ICAM3: variants seen among roughly 807,000 people sequenced by gnomAD.
ICAM3 encodes intercellular adhesion molecule 3.
Under a neutral mutation model 43.6 loss-of-function variants are expected in ICAM3, and 54 were observed. That is an observed-to-expected ratio of 1.24 (90% confidence interval 0.99 to 1.55). The LOEUF (loss-of-function observed/expected upper bound fraction) is 1.55. Among genes scored for constraint, ICAM3 ranks in the 40% most tolerant of loss-of-function variants. The pLI, the probability that ICAM3 is intolerant of heterozygous loss-of-function variation, is 0.00. For missense variants in ICAM3, 715 were observed against 717.9 expected, an observed-to-expected ratio of 1.00 and a Z score of 0.05; for synonymous variants, 306 against 312.6, an observed-to-expected ratio of 0.98 and a Z score of 0.22.
In ICAM3 at chr19:10,334,699, G is replaced by A. The variant is rs200047831; in HGVS notation, c.1021C>T (p.Arg341Ter). Residue 341 changes from arginine (R) to a stop codon, truncating the protein, a stop_gained, in exon 5 of 7, where the codon CGA (arginine) becomes TGA (stop). Transcript: ENST00000160262. LOFTEE classifies it high-confidence loss of function. The surrounding 1 kb of genome is among the most constrained non-coding windows in gnomAD (Gnocchi z 5.5). Reference protein sequence around the residue: ...TVTVSCMAGARVQVTLDGVPA... With the variant: ...TVTVSCMAGA ...ACTCCGTCCAGCGTGACCTGGACTC[G>A]AGCCCCAGCCATGCAACTCACGGTC... 3 of 1,613,272 alleles carry A rather than the reference G, an allele frequency of 1.9e-6. No homozygotes were observed. The highest frequency in any genetic ancestry group is 4.5e-5 in the East Asian group (2 of 44,880).
At position 10,335,185 on chromosome 19, in the gene ICAM3, GTGT is replaced by G; in HGVS notation, c.815_817del (p.Asp272_Thr273delinsAla). The G allele has an allele frequency of 6.2e-7, 1 of 1,613,808 alleles. No homozygotes were observed. The highest frequency in any genetic ancestry group is 8.5e-7 in the Non-Finnish European group (1 of 1,180,028). ...CGTGGCTGTGGCTGTGGCCGTTAGC[GTGT>G]CCCCGTGGTTCATGACTGTCGCATT... On this transcript the variant is annotated inframe_deletion, in exon 4 of 7. Transcript: ENST00000160262.
chr19:10,333,825 G>C lies in ICAM3; in HGVS notation c.*32C>G. 6.2e-7 allele frequency: 1 copy of C among 1,605,112 alleles called. No individual in the cohort carries two copies. The highest frequency in any genetic ancestry group is 1.1e-5 in the South Asian group (1 of 90,892). The stretch of plus-strand genomic sequence containing the variant: ...GTGCGGAATCTGAGGGCACAGCCAA[G>C]CCCCCGCCAACTTTGATCCCGGATC... On this transcript the variant is annotated 3_prime_UTR_variant, in exon 7 of 7. Transcript: ENST00000160262. This position sits in a 1 kb window ranked among gnomAD's most constrained non-coding sequence, Gnocchi z 4.2.
chr19:10,335,472 A>T, intron 3 of ICAM3, 119 bp from the exon 4 acceptor site: 1 of 1,137,888 alleles, frequency 8.8e-7, no homozygotes, highest in Non-Finnish European at 1.2e-6. Flanking sequence ...GGACACACAC[A>T]CAGGGCCATG....
intron 2 of ICAM3, 32 bp downstream of exon 2, chr19:10,338,650 G>C: frequency 6.2e-7 from 1 of 1,609,222 alleles, no homozygotes; most frequent in Non-Finnish European, 8.5e-7. Context: ...CACTACCCAA[G>C]ACCAGTCCCA....
rs1302977837 is a variant in ICAM3, at chr19:10,335,939, A to G, written c.381T>C (p.Pro127=). 2 of 1,580,182 alleles carry G rather than the reference A, an allele frequency of 1.3e-6. No individual in the cohort carries two copies. The highest frequency in any genetic ancestry group is 1.7e-6 in the Non-Finnish European group (2 of 1,168,760). Residue 127 remains proline, a synonymous_variant, in exon 3 of 7, where the codon CCT becomes CCC. Coordinates refer to ENST00000160262, the MANE Select transcript of ICAM3 (RefSeq NM_002162.5). ...PERVELAPLP[P]WQPVGQNFTL... Reference sequence around the variant, plus strand: ...TGAAGTTCTGGCCCACCGGCTGCCAAGGAGGCAGGGGTGCCAGCTCCACAC... The same window carrying G: ...TGAAGTTCTGGCCCACCGGCTGCCAGGGAGGCAGGGGTGCCAGCTCCACAC...
Position 10,333,840 on chromosome 19 carries a change from G to C in ICAM3, c.*17C>G. The C allele has an allele frequency of 6.2e-7, 1 of 1,611,276 alleles. No homozygotes were observed. The highest frequency in any genetic ancestry group is 8.5e-7 in the Non-Finnish European group (1 of 1,177,624). On this transcript the variant is annotated 3_prime_UTR_variant, in exon 7 of 7. Transcript: ENST00000160262. The surrounding 1 kb of genome is among the most constrained non-coding windows in gnomAD (Gnocchi z 4.2). ...GCACAGCCAAGCCCCCGCCAACTTT[G>C]ATCCCGGATCCCAGCGTCACTCAGC... is the stretch of plus-strand genomic sequence containing the variant.
At chr19:10,338,134 T>C (rs1265218629) in intron 2 of ICAM3, among the ~76,000 whole-genome samples, 1 of 150,188 alleles carries the variant, frequency 6.7e-6, no homozygotes, top group Non-Finnish European at 1.5e-5. Flanking sequence ...CCGGGCGCAG[T>C]GGCCCATGCC....
intron 2 of ICAM3, 112 bp from the exon 3 acceptor site, chr19:10,336,088 A>C: frequency 2.0e-6 from 2 of 1,000,308 alleles, no homozygotes; most frequent in Non-Finnish European, 2.9e-6. Context: ...GCTTTGAGTT[A>C]ATAAACTTAG....
rs764827854 is a variant in ICAM3 at position 10,338,641 on chromosome 19, A to G, written c.343+41T>C. On this transcript the variant is annotated intron_variant, in intron 2 of 6. Transcript: ENST00000160262. The stretch of plus-strand genomic sequence containing the variant: ...GAGCCATTGGCCACTTGCCCACACC[A>G]CTACCCAAGACCAGTCCCACCTCCG... 31 of 1,602,374 alleles carry G rather than the reference A, an allele frequency of 1.9e-5. No individual in the cohort carries two copies. In the Admixed American group the frequency reaches 4.9e-4, roughly 25 times the overall value.
In ICAM3 at chr19:10,335,765, T is replaced by A. The variant is rs751456592; in HGVS notation, c.555A>T (p.Gly185=). 6.2e-7 allele frequency: 1 copy of A among 1,612,284 alleles called. No homozygotes were observed. The highest frequency in any genetic ancestry group is 1.3e-5 in the African/African-American group (1 of 74,926). Residue 185 remains glycine, a synonymous_variant, in exon 3 of 7, where the codon GGA becomes GGT. Coordinates refer to ENST00000160262, the MANE Select transcript of ICAM3 (RefSeq NM_002162.5). ...ATVLASRDDH[G]APFSCRTELD... ...GTTCTGTGCGGCATGAGAAAGGGGC[T>A]CCGTGGTCGTCTCTGCTGGCCAGCA...
In ICAM3 at chr19:10,333,832, C is replaced by T; in HGVS notation, c.*25G>A. 1.9e-6 allele frequency: 3 copies of T among 1,610,120 alleles called. No individual in the cohort carries two copies. The highest frequency in any genetic ancestry group is 2.5e-6 in the Non-Finnish European group (3 of 1,176,578). ...ATCTGAGGGCACAGCCAAGCCCCCG[C>T]CAACTTTGATCCCGGATCCCAGCGT... On this transcript the variant is annotated 3_prime_UTR_variant, in exon 7 of 7. Coordinates refer to ENST00000160262, the MANE Select transcript of ICAM3 (RefSeq NM_002162.5). The surrounding 1 kb of genome is among the most constrained non-coding windows in gnomAD (Gnocchi z 4.2).
At position 10,334,744 on chromosome 19, in the gene ICAM3, C is replaced by T. The variant is rs1336484981; in HGVS notation, c.976G>A (p.Ala326Thr). ...GPIVNLSEPT[A>T]HEGSTVTVSC... is the part of the protein sequence containing the mutation. The stretch of plus-strand genomic sequence containing the variant: ...ACGGTCACTGTGGACCCCTCATGGG[C>T]GGTGGGCTCGCTGAGGTTCACAATG... The change falls in exon 5 of 7, where the codon GCC becomes ACC. Residue 326 changes from alanine to threonine, a missense_variant. Ala to Thr is a moderately conservative substitution (Grantham distance 58, BLOSUM62 0). Transcript: ENST00000160262. This position sits in a 1 kb window ranked among gnomAD's most constrained non-coding sequence, Gnocchi z 5.5. The T allele has an allele frequency of 1.2e-6, 2 of 1,608,626 alleles. No homozygotes were observed. The highest frequency in any genetic ancestry group is 1.7e-6 in the Non-Finnish European group (2 of 1,176,706).
chr19:10,335,023 C>G, intron 4 of ICAM3, 43 bp downstream of exon 4: 1 of 1,588,324 alleles, frequency 6.3e-7, no homozygotes, highest in Middle Eastern at 1.7e-4. Context: ...TGCCACGCCC[C>G]CAGACTGCTG....
chr19:10,337,089 G>A (rs2040606598), intron 2 of ICAM3, among the ~76,000 whole-genome samples: 2 of 151,466 alleles, frequency 1.3e-5, no homozygotes, highest in South Asian at 2.1e-4. Flanking sequence ...CAGCATGGGG[G>A]ACAATAGCAA....
Position 10,334,341 on chromosome 19 carries a change from G to A in ICAM3, c.1260C>T (p.Val420=). 2 of 1,614,174 alleles carry A rather than the reference G, an allele frequency of 1.2e-6. No individual in the cohort carries two copies. Among genetic ancestry groups the A allele is most frequent in the Non-Finnish European group, 1.7e-6 (2 of 1,180,040 alleles). ...HLKWKDKTRH[V]LQCQARGNPY... is the part of the protein sequence containing the mutation. ...GGTTGCCCCTGGCTTGGCACTGCAG[G>A]ACGTGTCTCGTTTTATCTTTCCATT... The change falls in exon 6 of 7, where the codon GTC becomes GTT. Residue 420 remains valine (V), a synonymous_variant. Coordinates refer to ENST00000160262, the MANE Select transcript of ICAM3 (RefSeq NM_002162.5). The surrounding 1 kb of genome is among the most constrained non-coding windows in gnomAD (Gnocchi z 5.5).
chr19:10,335,751 C>A lies in ICAM3; in HGVS notation c.569G>T (p.Cys190Phe). The change falls in exon 3 of 7, where the codon TGC becomes TTC. Residue 190 changes from cysteine to phenylalanine, a missense_variant. Cys to Phe is a radical substitution (Grantham distance 205). Transcript: ENST00000160262. ...GGGCTGCATGTCCAGTTCTGTGCGG[C>A]ATGAGAAAGGGGCTCCGTGGTCGTC... ...SRDDHGAPFSCRTELDMQPQG... is the reference protein window; with the variant it reads ...SRDDHGAPFSFRTELDMQPQG... 6.2e-7 allele frequency: 1 copy of A among 1,612,190 alleles called. No individual in the cohort carries two copies. The highest frequency in any genetic ancestry group is 1.1e-5 in the South Asian group (1 of 90,742).
In ICAM3 at chr19:10,339,534, C is replaced by A. The variant is rs1227824641; in HGVS notation, c.76+5G>T. 1 of 1,613,566 alleles carries A rather than the reference C, an allele frequency of 6.2e-7. No individual in the cohort carries two copies. ...TCCAGCCCTCCCCGGCTTGACTGGT[C>A]TCACCTGGGGTCAGCAGACAGCAGA... On this transcript the variant is annotated splice_donor_5th_base_variant and intron_variant, in intron 1 of 6. Coordinates refer to ENST00000160262, the MANE Select transcript of ICAM3 (RefSeq NM_002162.5).
At chr19:10,336,619 A>G (rs2040600576) in intron 2 of ICAM3, among the ~76,000 whole-genome samples, 1 of 151,300 alleles carries the variant, frequency 6.6e-6, no homozygotes, top group Admixed American at 6.6e-5. Flanking sequence ...CAGCCTTGCC[A>G]ACATGGTGAA....
intron 1 of ICAM3, chr19:10,339,315 T>A (rs1170213521): frequency 5.9e-6 from 2 of 340,080 alleles, no homozygotes; most frequent in Non-Finnish European, 1.1e-5. Flanking sequence ...GCATGAGGGG[T>A]GTGTGTGTGT....
Sources: allele counts gnomAD v4.1 joint callset (sites outside exome capture counted in the v4.1 genomes callset), GRCh38; gene constraint gnomAD v4.1.1; non-coding constraint Gnocchi (gnomAD v3.1); transcripts MANE v1.5; gene names NCBI Gene and HGNC (gene_info 2026-07-23, HGNC 2026-07-21).